Variants in TRAK1 observed in about 807,000 individuals in gnomAD.
TRAK1 encodes trafficking kinesin protein 1, also known as trafficking kinesin-binding protein 1.
TRAK1 carries 33 observed loss-of-function variants against 92.1 expected under a neutral mutation model. The ratio of observed to expected loss-of-function variants is 0.36; its 90% CI spans 0.27 to 0.48. The LOEUF is 0.48. Among genes scored for constraint, TRAK1 ranks in the 20% least tolerant of loss-of-function variants. TRAK1 has a pLI of 0.99. For missense variants in TRAK1, 1,123 were observed against 1,257.9 expected (o/e 0.89, Z 1.62); for synonymous variants, 521 against 517.3 (o/e 1.01, Z -0.10).
intron 2 of TRAK1, among the ~76,000 whole-genome samples, chr3:42,151,682 C>G (rs1699966945): frequency 6.6e-6 from 1 of 152,130 alleles, no homozygotes; most frequent in Non-Finnish European, 1.5e-5. Flanking sequence ...AATTATGTGC[C>G]AATTTTGTGG....
At chr3:42,145,045 A>G (rs1475200086) in intron 2 of TRAK1, among the ~76,000 whole-genome samples, 1 of 152,246 alleles carries the variant, frequency 6.6e-6, no homozygotes, top group Non-Finnish European at 1.5e-5. Context: ...TGATTGGTAA[A>G]AAGTCTTGCA....
At chr3:42,205,535 A>G (rs1708235101) in intron 13 of TRAK1, among the ~76,000 whole-genome samples, 1 of 152,260 alleles carries the variant, frequency 6.6e-6, no homozygotes, top group East Asian at 1.9e-4. Flanking sequence ...TGAAGAACAA[A>G]CAAACCATTC....
chr3:42,135,986 C>T (rs1697906548), intron 2 of TRAK1, among the ~76,000 whole-genome samples: 1 of 152,162 alleles, frequency 6.6e-6, no homozygotes, highest in Admixed American at 6.5e-5. Context: ...TGCGCCAGGC[C>T]CTCACCAATG....
chr3:42,034,491 C>T (rs192464183), intron 1 of TRAK1, among the ~76,000 whole-genome samples: 1 of 152,252 alleles, frequency 6.6e-6, no homozygotes, highest in African/African-American at 2.4e-5. Flanking sequence ...TGAGGTTTCT[C>T]CATGTTGTCC....
chr3:42,218,230 A>T (rs756665582), intron 14 of TRAK1: 141 of 985,296 alleles, frequency 1.4e-4, no homozygotes, highest in Non-Finnish European at 1.7e-4. Context: ...TTTAAGACAT[A>T]GTCAACTGTG....
chr3:42,064,371 A>T (rs1441058819), intron 1 of TRAK1, among the ~76,000 whole-genome samples: 5 of 17,778 alleles, frequency 2.8e-4, no homozygotes, highest in Non-Finnish European at 6.2e-4. Flanking sequence ...GATACAAATT[A>T]AAAAAAAAAA....
chr3:42,050,864 G>T (rs966907435), intron 1 of TRAK1, among the ~76,000 whole-genome samples: 1 of 152,042 alleles, frequency 6.6e-6, no homozygotes, highest in African/African-American at 2.4e-5. Flanking sequence ...CACCATGTTG[G>T]CCAGGCTGGT....
At chr3:42,047,200 CTTT>C (rs561224807) in intron 1 of TRAK1, among the ~76,000 whole-genome samples, 116 of 107,138 alleles carry the variant, frequency 1.1e-3, no homozygotes, top group Middle Eastern at 5.8e-3. Context: ...AAAAACTGAT[CTTT>C]TTTTTTTTTT....
intron 1 of TRAK1, among the ~76,000 whole-genome samples, chr3:42,073,015 G>T (rs1251161393): frequency 2.0e-5 from 3 of 152,140 alleles, no homozygotes; most frequent in Non-Finnish European, 4.4e-5. Context: ...GTGTTCGTGG[G>T]CCTGAGTGTA....
intron 2 of TRAK1, chr3:42,149,643 A>G (rs1576631287): frequency 5.9e-6 from 9 of 1,535,572 alleles, no homozygotes; most frequent in African/African-American, 5.5e-5. Context: ...GTATAGGGGT[A>G]TTGTCTCCTT....
chr3:42,223,499 G>T lies in TRAK1; in HGVS notation c.2624G>T (p.Cys875Phe). 6.2e-7 allele frequency: 1 copy of T among 1,613,674 alleles called. No homozygotes were observed. The highest frequency in any genetic ancestry group is 8.5e-7 in the Non-Finnish European group (1 of 1,179,948). Reference protein sequence around the residue: ...TLTEEQGPLLCGPPGPAPALV... With the variant: ...TLTEEQGPLLFGPPGPAPALV... ...ACTGAGGAGCAGGGACCCCTCCTCT[G>T]TGGGCCCCCGGGGCCAGCACCAGCC... The change falls in exon 16 of 16, where the codon TGT becomes TTT. Residue 875 changes from cysteine (C) to phenylalanine (F), a missense_variant. By Grantham distance (205) the Cys-to-Phe change is radical. Coordinates refer to ENST00000327628, the MANE Select transcript of TRAK1 (RefSeq NM_001042646.3). This position sits in a 1 kb window ranked among gnomAD's most constrained non-coding sequence, Gnocchi z 6.1.
intron 2 of TRAK1, chr3:42,151,483 ATGT>A (rs1244305516): frequency 7.5e-6 from 3 of 399,934 alleles, no homozygotes; most frequent in Admixed American, 3.1e-5. Flanking sequence ...GTCTGAATGT[ATGT>A]TGAGCAAAAT....
intron 1 of TRAK1, among the ~76,000 whole-genome samples, chr3:42,040,617 G>T (rs1265617582): frequency 1.3e-5 from 2 of 151,464 alleles, no homozygotes; most frequent in Non-Finnish European, 2.9e-5. Context: ...ATTTATCTGG[G>T]CTCTTATTTC....
intron 13 of TRAK1, among the ~76,000 whole-genome samples, chr3:42,207,428 C>T (rs115075406): frequency 0.015 from 2,296 of 152,242 alleles, 49 homozygotes; most frequent in African/African-American, 0.052. Flanking sequence ...TGTTCTCAGA[C>T]CTGTGGGTTT....
chr3:42,187,216 G>T (rs1001199377), intron 4 of TRAK1, among the ~76,000 whole-genome samples: 2 of 152,152 alleles, frequency 1.3e-5, no homozygotes, highest in Admixed American at 6.5e-5. Flanking sequence ...CAGGAGCCTT[G>T]TGAGGGTGCA....
chr3:42,192,655 T>A (rs1356773034), intron 7 of TRAK1, among the ~76,000 whole-genome samples: 2 of 152,220 alleles, frequency 1.3e-5, no homozygotes, highest in Non-Finnish European at 2.9e-5. Context: ...AGTTCCTTTT[T>A]AGAACTGGGT....
intron 2 of TRAK1, among the ~76,000 whole-genome samples, chr3:42,154,235 C>T (rs574904242): frequency 2.7e-5 from 4 of 149,758 alleles, no homozygotes; most frequent in African/African-American, 7.4e-5. Context: ...TGCAGTGGCA[C>T]GATCTCAGCT....
intron 1 of TRAK1, among the ~76,000 whole-genome samples, chr3:42,112,752 A>AAAAAAG (rs1553720685): frequency 3.6e-5 from 5 of 139,434 alleles, no homozygotes; most frequent in Admixed American, 1.5e-4. Context: ...AAAAAAAAAA[A>AAAAAAG]AAAACCAACT....
chr3:42,201,627 T>A (rs368911413), intron 12 of TRAK1, among the ~76,000 whole-genome samples: 1 of 149,844 alleles, frequency 6.7e-6, no homozygotes. Context: ...TAATGAATAT[T>A]TTTTTTTTTG....
Sources: allele counts gnomAD v4.1 joint callset (sites outside exome capture counted in the v4.1 genomes callset), GRCh38; gene constraint gnomAD v4.1.1; non-coding constraint Gnocchi (gnomAD v3.1); transcripts MANE v1.5; gene names NCBI Gene and HGNC (gene_info 2026-07-23, HGNC 2026-07-21).